Variants in MCM8 observed in about 807,000 individuals in gnomAD.
MCM8 encodes the protein DNA helicase MCM8.
In MCM8, 85 loss-of-function variants were observed where a neutral mutation model predicts 98.9. The observed-to-expected ratio is 0.86, with a 90% CI of 0.72 to 1.03. The LOEUF (loss-of-function observed/expected upper bound fraction) is 1.03, where lower values mean the gene tolerates loss of function less well. Ranked by LOEUF, MCM8 falls within the 50% of genes least tolerant of loss-of-function variation. MCM8 has a pLI of 0.00. For synonymous variants in MCM8, 352 were observed against 338.6 expected (o/e 1.04, Z -0.44); for missense variants, 951 against 997.8 (o/e 0.95, Z 0.63).
At chr20:5,972,594 G>A (rs557711227) in intron 11 of MCM8, 28 of 383,780 alleles carry the variant, frequency 7.3e-5, no homozygotes, top group Middle Eastern at 7.7e-4. Flanking sequence ...TTGCTCTGTC[G>A]CCCAGGCTAG....
chr20:5,967,243 C>T (rs567132886), intron 8 of MCM8, among the ~76,000 whole-genome samples, 193 bp from the exon 9 acceptor site: 54 of 152,258 alleles, frequency 3.5e-4, no homozygotes, highest in African/African-American at 1.3e-3. Context: ...TGGAGGGAGG[C>T]TAGGCAAATA....
In MCM8 at chr20:5,955,208, C is replaced by T; in HGVS notation, c.443C>T (p.Ala148Val). The T allele has an allele frequency of 1.2e-6, 2 of 1,613,800 alleles. No individual in the cohort carries two copies. Among genetic ancestry groups the T allele is most frequent in the African/African-American group, 1.3e-5 (1 of 75,044 alleles). The change falls in exon 5 of 19, where the codon GCA (alanine) becomes GTA (valine). Residue 148 changes from alanine (A) to valine (V), a missense_variant. Ala to Val is a moderately conservative substitution (Grantham distance 64). Transcript: ENST00000610722. The part of the protein sequence containing the change: ...IPDIATELRD[A>V]PEKTLACMGL... Reference sequence around the variant, plus strand: ...GATATAGCAACTGAACTAAGAGATGCACCTGAGAAAACCTTGGCTTGCATG... The same window carrying T: ...GATATAGCAACTGAACTAAGAGATGTACCTGAGAAAACCTTGGCTTGCATG...
intron 5 of MCM8, among the ~76,000 whole-genome samples, chr20:5,956,772 G>C (rs184861966): frequency 1.3e-5 from 2 of 151,816 alleles, no homozygotes; most frequent in African/African-American, 2.4e-5. Flanking sequence ...TCTGTGTCTT[G>C]ATTGGTCAGT....
Position 5,977,956 on chromosome 20 carries a change from A to T in MCM8, c.1476A>T (p.Ser492=). The change falls in exon 13 of 19, where the codon TCA becomes TCT. Residue 492 remains serine (S), a synonymous_variant. Transcript: ENST00000610722. ...TTTSGLTVTL[S]KDSSSGDFAL... Reference sequence around the variant, plus strand: ...CCTCTGGTCTGACGGTAACTCTTTCAAAAGATAGTTCCTCTGGAGATTTTG... The same window carrying T: ...CCTCTGGTCTGACGGTAACTCTTTCTAAAGATAGTTCCTCTGGAGATTTTG... The T allele has an allele frequency of 1.2e-6, 2 of 1,614,246 alleles. No homozygotes were observed. The highest frequency in any genetic ancestry group is 1.7e-6 in the Non-Finnish European group (2 of 1,180,042).
At position 5,997,607 on chromosome 20, in the gene MCM8, A is replaced by C. The variant is rs1257024723; in HGVS notation, c.*3216A>C. On this transcript the variant is annotated 3_prime_UTR_variant, in exon 19 of 19. Transcript: ENST00000610722. ...TGAGACTACAGGCATGCACCACTAC[A>C]CCTGGCTGCGAGATGAAATTTTAAG... 6.6e-6 allele frequency: 1 copy of C among 152,346 alleles called. No homozygotes were observed. Among genetic ancestry groups the C allele is most frequent in the East Asian group, 1.9e-4 (1 of 5,138 alleles). 9.4% of individuals were successfully genotyped at this position (152,346 alleles called of 1,614,324 possible).
In MCM8 at chr20:5,957,052, T is replaced by C. The variant is rs55942815; in HGVS notation, c.487-74T>C. ...GTTTCTGTCCATAAACTTTATATTCTCTATAAAAATAGAGTTCTGTATAAA... is the reference window on the plus strand; with the variant it reads ...GTTTCTGTCCATAAACTTTATATTCCCTATAAAAATAGAGTTCTGTATAAA... On this transcript the variant is annotated intron_variant, in intron 5 of 18. Transcript: ENST00000610722. 6,473 of 867,070 alleles carry C rather than the reference T, an allele frequency of 7.5e-3. 184 individuals carry two copies. In the African/African-American group the frequency reaches 0.075, roughly 10 times the overall value. The allele number at this position is 867,070 out of a possible 1,614,324, so 53.7% of individuals were successfully genotyped here. A position where few individuals can be genotyped will look rare whatever the true frequency, so the allele number is the denominator to read the frequency against.
intron 17 of MCM8, among the ~76,000 whole-genome samples, chr20:5,990,441 C>CT (rs1164097297): frequency 6.6e-6 from 1 of 152,138 alleles, no homozygotes; most frequent in Non-Finnish European, 1.5e-5. Context: ...TTTGAGGGAT[C>CT]TTGTAGCTGA....
chr20:5,979,481 G>A (rs1375041822), intron 13 of MCM8, among the ~76,000 whole-genome samples: 1 of 152,108 alleles, frequency 6.6e-6, no homozygotes, highest in Non-Finnish European at 1.5e-5. Flanking sequence ...AACTTAACAT[G>A]TCTAAAATTA....
chr20:5,979,479 A>C (rs972008158), intron 13 of MCM8, among the ~76,000 whole-genome samples: 23 of 152,300 alleles, frequency 1.5e-4, no homozygotes, highest in Non-Finnish European at 2.4e-4. Context: ...CAAACTTAAC[A>C]TGTCTAAAAT....
At chr20:5,988,055 T>C (rs900864379) in intron 17 of MCM8, among the ~76,000 whole-genome samples, 3 of 152,220 alleles carry the variant, frequency 2.0e-5, no homozygotes, top group Non-Finnish European at 4.4e-5. Context: ...ATGTTTACCT[T>C]AGACATAGAT....
At chr20:5,992,070 T>C (rs943738734) in intron 17 of MCM8, among the ~76,000 whole-genome samples, 2 of 152,164 alleles carry the variant, frequency 1.3e-5, no homozygotes, top group African/African-American at 4.8e-5. Flanking sequence ...AGCTTTCTCC[T>C]AAAATTGAAA....
At chr20:5,963,432 G>A in intron 8 of MCM8, 73 bp downstream of exon 8, 1 of 1,033,582 alleles carries the variant, frequency 9.7e-7, no homozygotes, top group Non-Finnish European at 1.5e-6. Context: ...TAATTTTACT[G>A]TATTATATTG....
At chr20:5,954,557 G>A (rs1273368504) in intron 3 of MCM8, 51 bp from the exon 4 acceptor site, 3 of 1,021,268 alleles carry the variant, frequency 2.9e-6, no homozygotes, top group African/African-American at 1.6e-5. Flanking sequence ...CATGAAAAAT[G>A]TGCATGTACC....
chr20:5,992,334 C>T (rs568692452), intron 17 of MCM8, among the ~76,000 whole-genome samples: 1 of 152,116 alleles, frequency 6.6e-6, no homozygotes, highest in Non-Finnish European at 1.5e-5. Context: ...ACCTCTATTA[C>T]TCTTGCACCA....
In MCM8 at chr20:5,995,926, A is replaced by G. The variant is rs904411161; in HGVS notation, c.*1535A>G. The G allele has an allele frequency of 2.0e-5, 3 of 152,252 alleles. No individual in the cohort carries two copies. The highest frequency in any genetic ancestry group is 7.2e-5 in the African/African-American group (3 of 41,462). 9.4% of individuals were successfully genotyped at this position (152,252 alleles called of 1,614,324 possible). On this transcript the variant is annotated 3_prime_UTR_variant, in exon 19 of 19. Coordinates refer to ENST00000610722, the MANE Select transcript of MCM8 (RefSeq NM_032485.6). The stretch of plus-strand genomic sequence containing the variant: ...ATGTTTAACTATAGGACCAGAACTA[A>G]GATGTGGAGACTATTGCCATAGACC...
intron 17 of MCM8, among the ~76,000 whole-genome samples, chr20:5,987,574 A>T (rs969375200): frequency 2.6e-5 from 4 of 152,156 alleles, no homozygotes; most frequent in Non-Finnish European, 4.4e-5. Context: ...CATAGTGCTA[A>T]AATCAGTTCC....
chr20:5,981,858 G>C lies in MCM8; in HGVS notation c.1538-1112G>C, dbSNP rs117825961. Among the ~76,000 whole-genome samples the C allele has an allele frequency of 9.6e-4, 146 of 152,294 alleles. 2 individuals are homozygous for C. The East Asian group carries it at 0.026, about 27-fold the overall frequency. On this transcript the variant is annotated intron_variant, in intron 13 of 18. Transcript: ENST00000610722. ...TCAAAACAAAAAGATAAGGCTATGA[G>C]AGACAAATTGATGACTAACAATGTT...
chr20:5,972,937 T>C, intron 11 of MCM8, 119 bp from the exon 12 acceptor site: 1 of 1,371,446 alleles, frequency 7.3e-7, no homozygotes, highest in Non-Finnish European at 9.7e-7. Context: ...AGAAAAAAAT[T>C]ATCATGCTTT....
intron 2 of MCM8, 37 bp downstream of exon 2, chr20:5,952,200 TAAGG>T (rs778108617): frequency 2.5e-5 from 40 of 1,607,736 alleles, no homozygotes; most frequent in Admixed American, 3.4e-5. Flanking sequence ...TTTTTTCACT[TAAGG>T]AAGCAATTCA....
Sources: allele counts gnomAD v4.1 joint callset (sites outside exome capture counted in the v4.1 genomes callset), GRCh38; gene constraint gnomAD v4.1.1; transcripts MANE v1.5; gene names NCBI Gene and HGNC (gene_info 2026-07-23, HGNC 2026-07-21).